The following GSTA1 variants were observed in gnomAD, a reference collection of about 807,000 sequenced individuals.
GSTA1 encodes glutathione S-transferase A1.
GSTA1 carries 23 observed loss-of-function variants against 21.5 expected under a neutral mutation model. That is an observed-to-expected ratio of 1.07 (90% CI 0.77 to 1.52). The LOEUF (loss-of-function observed/expected upper bound fraction) is 1.52. Ranked by LOEUF, GSTA1 falls within the 40% of genes most tolerant of loss-of-function variation. The pLI, the probability that GSTA1 is intolerant of heterozygous loss-of-function variation, is 0.00. For missense variants in GSTA1, 301 were observed against 264.2 expected (o/e 1.14, Z -0.96); for synonymous variants, 125 against 90.0 (o/e 1.39, Z -2.20).
In GSTA1 at chr6:52,791,980, C is replaced by T. The variant is rs1763470836; in HGVS notation, c.547G>A (p.Ala183Thr). 3.7e-6 allele frequency: 6 copies of T among 1,613,784 alleles called. No homozygotes were observed. The highest frequency in any genetic ancestry group is 4.2e-6 in the Non-Finnish European group (5 of 1,179,854). Residue 183 changes from alanine to threonine, a missense_variant and splice_region_variant, in exon 7 of 7, where the codon GCC (alanine) becomes ACC (threonine). Physicochemically the swap from Ala to Thr is moderately conservative, Grantham distance 58. Transcript: ENST00000334575. ...AGGTTGCTGATTCTGGTTTTCAGGGCCTGTAATTCATAAAGCACAGCCTCA... is the reference window on the plus strand; with the variant it reads ...AGGTTGCTGATTCTGGTTTTCAGGGTCTGTAATTCATAAAGCACAGCCTCA... ...SLISSFPLLKALKTRISNLPT... is the reference protein window; with the variant it reads ...SLISSFPLLKTLKTRISNLPT...
rs370720699 is a variant in GSTA1 at position 52,791,954 on chromosome 6, C to A, written c.573G>T (p.Leu191=). 20 of 1,613,960 alleles carry A rather than the reference C, an allele frequency of 1.2e-5. No homozygotes were observed. The highest frequency in any genetic ancestry group is 1.4e-5 in the Non-Finnish European group (16 of 1,179,864). Residue 191 remains leucine (L), a synonymous_variant, in exon 7 of 7, where the codon CTG becomes CTT. Coordinates refer to ENST00000334575, the MANE Select transcript of GSTA1 (RefSeq NM_145740.5). ...GCTGTAGAAACTTCTTCACTGTGGG[C>A]AGGTTGCTGATTCTGGTTTTCAGGG... is the stretch of plus-strand genomic sequence containing the variant. ...LKALKTRISN[L]PTVKKFLQPG...
At chr6:52,799,959 A>G (rs1411404213) in intron 1 of GSTA1, among the ~76,000 whole-genome samples, 1 of 152,210 alleles carries the variant, frequency 6.6e-6, no homozygotes, top group East Asian at 1.9e-4. Flanking sequence ...AAAACCAGAA[A>G]TTAGGCCTCA....
intron 2 of GSTA1, 136 bp from the exon 3 acceptor site, chr6:52,797,773 C>A: frequency 5.7e-6 from 4 of 707,084 alleles, no homozygotes; most frequent in Middle Eastern, 5.1e-4. Flanking sequence ...GGGGGCTGGT[C>A]ATGGCCATTT....
rs1763772000 is a variant in GSTA1 at position 52,803,790 on chromosome 6, T to G, written c.-36A>C. On this transcript the variant is annotated 5_prime_UTR_variant, in exon 1 of 7. Transcript: ENST00000334575. ...TTTATAAGATCAGTACTTACTTTGT[T>G]AAACGCTGTCACCGTCCTGGCTCGA... 1 of 186,034 alleles carries G rather than the reference T, an allele frequency of 5.4e-6. No homozygotes were observed. The highest frequency in any genetic ancestry group is 2.3e-5 in the African/African-American group (1 of 42,660). 11.5% of individuals were successfully genotyped at this position (186,034 alleles called of 1,614,324 possible).
chr6:52,795,675 T>C (rs1481541874), intron 4 of GSTA1, among the ~76,000 whole-genome samples: 12 of 152,206 alleles, frequency 7.9e-5, no homozygotes, highest in Admixed American at 7.2e-4. Context: ...CCCAGCATCC[T>C]TGGTGCCAGC....
intron 3 of GSTA1, 132 bp downstream of exon 3, chr6:52,797,454 T>C: frequency 1.6e-6 from 1 of 618,144 alleles, no homozygotes; most frequent in Admixed American, 2.8e-5. Context: ...CCCTTCCATT[T>C]TAACCACTTT....
chr6:52,801,264 G>A (rs1763710361), intron 1 of GSTA1, among the ~76,000 whole-genome samples: 1 of 152,176 alleles, frequency 6.6e-6, no homozygotes, highest in South Asian at 2.1e-4. Flanking sequence ...AAATATGGGA[G>A]TCAATAATTA....
chr6:52,799,326 T>C (rs1160744041), intron 1 of GSTA1, 29 bp from the exon 2 acceptor site: 3 of 1,406,378 alleles, frequency 2.1e-6, no homozygotes, highest in Non-Finnish European at 3.0e-6. Context: ...GAATGAATAA[T>C]TGAAACGATA....
chr6:52,792,024 A>T, intron 6 of GSTA1, 44 bp from the exon 7 acceptor site: 6 of 1,611,136 alleles, frequency 3.7e-6, no homozygotes, highest in Non-Finnish European at 5.1e-6. Flanking sequence ...CCAAGGGCTG[A>T]CACCACCATT....
rs1037076468 is a variant in GSTA1, at chr6:52,799,110, A to G, written c.87+71T>C. The G allele has an allele frequency of 1.9e-4, 267 of 1,407,746 alleles. 1 individual carries two copies. Among genetic ancestry groups the G allele is most frequent in the Non-Finnish European group, 1.9e-4 (192 of 995,048 alleles). 87.2% of individuals were successfully genotyped at this position (1,407,746 alleles called of 1,614,324 possible). On this transcript the variant is annotated intron_variant, in intron 2 of 6. Transcript: ENST00000334575. ...AATGCTTCAGTAAGCAACATCTCAT[A>G]GTTTCTGTGGGAAAAGTATGTGATA...
rs191751649 is a variant in GSTA1 at position 52,803,803 on chromosome 6, C to T, written c.-49G>A. On this transcript the variant is annotated 5_prime_UTR_variant, in exon 1 of 7. Coordinates refer to ENST00000334575, the MANE Select transcript of GSTA1 (RefSeq NM_145740.5). ...TACTTACTTTGTTAAACGCTGTCAC[C>T]GTCCTGGCTCGACAACTGAATTCCA... 67 of 189,792 alleles carry T rather than the reference C, an allele frequency of 3.5e-4. No individual in the cohort carries two copies. The highest frequency in any genetic ancestry group is 1.9e-3 in the Middle Eastern group (1 of 526). The allele number at this position is 189,792 out of a possible 1,614,324, so 11.8% of individuals were successfully genotyped here.
At position 52,791,394 on chromosome 6, in the gene GSTA1, C is replaced by T. The variant is rs182045760; in HGVS notation, c.*464G>A. On this transcript the variant is annotated 3_prime_UTR_variant, in exon 7 of 7. Transcript: ENST00000334575. ...TGTTTTGCAAATGCATAAGAAAGAA[C>T]GCTTTTATCAGAAATAAAATGACTG... 6.0e-4 allele frequency among the ~76,000 whole-genome samples: 92 copies of T among 152,294 alleles called. No homozygotes were observed. The highest frequency in any genetic ancestry group is 2.1e-3 in the African/African-American group (88 of 41,566).
intron 1 of GSTA1, among the ~76,000 whole-genome samples, chr6:52,802,777 A>G (rs903740067): frequency 7.9e-5 from 12 of 152,088 alleles, no homozygotes; most frequent in African/African-American, 1.9e-4. Context: ...TATTTTGTTC[A>G]TAGAACTCGA....
chr6:52,799,460 C>T (rs1410860104), intron 1 of GSTA1, among the ~76,000 whole-genome samples, 163 bp from the exon 2 acceptor site: 1 of 152,154 alleles, frequency 6.6e-6, no homozygotes, highest in Non-Finnish European at 1.5e-5. Flanking sequence ...AATTGTTACC[C>T]AGCAGTGGCC....
chr6:52,791,478 T>C lies in GSTA1; in HGVS notation c.*380A>G, dbSNP rs1468123739. 6.6e-6 allele frequency among the ~76,000 whole-genome samples: 1 copy of C among 152,248 alleles called. No homozygotes were observed. ...ATCCAGGATGGTAACTCTTCTCCTG[T>C]GCATACCTGAAAATGTCAGAAGTGC... On this transcript the variant is annotated 3_prime_UTR_variant, in exon 7 of 7. Coordinates refer to ENST00000334575, the MANE Select transcript of GSTA1 (RefSeq NM_145740.5).
At chr6:52,803,639 A>G (rs1763767487) in intron 1 of GSTA1, 146 bp downstream of exon 1, 1 of 168,094 alleles carries the variant, frequency 5.9e-6, no homozygotes, top group South Asian at 2.0e-4. Flanking sequence ...CAATTCTTGA[A>G]CTGTCACCCA....
intron 4 of GSTA1, among the ~76,000 whole-genome samples, chr6:52,795,665 C>A (rs766622300): frequency 8.6e-5 from 13 of 152,044 alleles, no homozygotes; most frequent in Non-Finnish European, 1.6e-4. Context: ...TCAAGGTAAC[C>A]CCAGCATCCT....
intron 4 of GSTA1, among the ~76,000 whole-genome samples, chr6:52,794,538 G>T (rs1396720009): frequency 6.6e-6 from 1 of 152,174 alleles, no homozygotes; most frequent in African/African-American, 2.4e-5. Context: ...GAGAGAAATT[G>T]GCAGAATCAC....
intron 4 of GSTA1, 113 bp downstream of exon 4, chr6:52,796,069 C>T (rs2290757): frequency 0.52 from 791,973 of 1,525,042 alleles, 213,186 homozygotes; most frequent in East Asian, 0.7. Context: ...CGTACATGCC[C>T]AAGGCCCAGC....
Sources: allele counts gnomAD v4.1 joint callset (sites outside exome capture counted in the v4.1 genomes callset), GRCh38; gene constraint gnomAD v4.1.1; transcripts MANE v1.5; gene names NCBI Gene and HGNC (gene_info 2026-07-23, HGNC 2026-07-21).